TNIK: variants seen among roughly 807,000 people sequenced by gnomAD.
TNIK encodes TRAF2 and NCK interacting kinase, also known as TRAF2 and NCK-interacting protein kinase.
TNIK carries 49 observed loss-of-function variants against 191.3 expected under a neutral mutation model. The observed-to-expected ratio is 0.26, with a 90% CI of 0.20 to 0.32. The LOEUF is 0.32. TNIK is among the 10% of genes least tolerant of loss of function. The pLI is 1.00. For missense variants in TNIK, 1,155 were observed against 1,702.3 expected, an observed-to-expected ratio of 0.68 and a Z score of 5.66; for synonymous variants, 594 against 600.9, an observed-to-expected ratio of 0.99 and a Z score of 0.17.
At chr3:171,352,641 A>G (rs1414692995) in intron 2 of TNIK, among the ~76,000 whole-genome samples, 2 of 152,222 alleles carry the variant, frequency 1.3e-5, no homozygotes, top group Non-Finnish European at 2.9e-5. Flanking sequence ...AAGTGAAAGT[A>G]TTAATTCCTT....
At chr3:171,079,212 T>C (rs1720370054) in intron 28 of TNIK, among the ~76,000 whole-genome samples, 1 of 152,190 alleles carries the variant, frequency 6.6e-6, no homozygotes, top group Non-Finnish European at 1.5e-5. Flanking sequence ...TTTCTTCTCT[T>C]CTCTTGGTCC....
At chr3:171,347,439 A>G (rs1315153811) in intron 2 of TNIK, among the ~76,000 whole-genome samples, 1 of 151,648 alleles carries the variant, frequency 6.6e-6, no homozygotes, top group East Asian at 1.9e-4. Context: ...AGAAGCCAAC[A>G]GGCTACATTA....
chr3:171,130,456 G>T (rs1045551641), intron 15 of TNIK, among the ~76,000 whole-genome samples: 3 of 152,178 alleles, frequency 2.0e-5, no homozygotes, highest in African/African-American at 7.2e-5. Context: ...AAAAAGCCAG[G>T]AATATAAACC....
rs577617531 is a variant in TNIK, at chr3:171,158,464, G to T, written c.1017-800C>A. ...CTGGTGGTCCTGGGCTGCCCTGCTC[G>T]CAGGTGAACAACTAAATGTTACAGA... is the stretch of plus-strand genomic sequence containing the variant. On this transcript the variant is annotated intron_variant, in intron 11 of 32. Coordinates refer to ENST00000436636, the MANE Select transcript of TNIK (RefSeq NM_015028.4). 9.2e-5 allele frequency among the ~76,000 whole-genome samples: 14 copies of T among 152,334 alleles called. No individual in the cohort carries two copies. The South Asian group carries it at 2.5e-3, about 27-fold the overall frequency.
At chr3:171,374,677 A>G (rs1257593442) in intron 1 of TNIK, among the ~76,000 whole-genome samples, 1 of 152,248 alleles carries the variant, frequency 6.6e-6, no homozygotes, top group African/African-American at 2.4e-5. Flanking sequence ...ATAATGAAAT[A>G]TAACTACATA....
intron 1 of TNIK, among the ~76,000 whole-genome samples, chr3:171,428,493 A>G (rs1209424334): frequency 6.6e-6 from 1 of 151,426 alleles, no homozygotes; most frequent in Non-Finnish European, 1.5e-5. Flanking sequence ...GGTCTTCCTC[A>G]CTTTAAGAAA....
intron 1 of TNIK, among the ~76,000 whole-genome samples, chr3:171,447,816 A>T: frequency 6.6e-6 from 1 of 152,248 alleles, no homozygotes; most frequent in Non-Finnish European, 1.5e-5. Flanking sequence ...ACTATTTATC[A>T]GTTGGAAAGT....
At chr3:171,214,940 G>A (rs1209224497) in intron 3 of TNIK, among the ~76,000 whole-genome samples, 1 of 152,166 alleles carries the variant, frequency 6.6e-6, no homozygotes, top group Non-Finnish European at 1.5e-5. Context: ...ATTGCTTAGT[G>A]TTTGTGGTAG....
rs550347666 is a variant in TNIK, at chr3:171,063,234, A to T, written c.*647T>A. 1 of 152,204 alleles carries T rather than the reference A, an allele frequency of 6.6e-6. No individual in the cohort carries two copies. Among genetic ancestry groups the T allele is most frequent in the Non-Finnish European group, 1.5e-5 (1 of 68,022 alleles). 9.4% of individuals were successfully genotyped at this position (152,204 alleles called of 1,614,324 possible). ...CTAGTAGTTTAGCCATTTAAAATCTATTTCCCAAAAGAGGGGAAAACTAGT... is the reference window on the plus strand; with the variant it reads ...CTAGTAGTTTAGCCATTTAAAATCTTTTTCCCAAAAGAGGGGAAAACTAGT... On this transcript the variant is annotated 3_prime_UTR_variant, in exon 33 of 33. Transcript: ENST00000436636.
At chr3:171,350,596 A>T (rs1055121685) in intron 2 of TNIK, among the ~76,000 whole-genome samples, 2 of 5,592 alleles carry the variant, frequency 3.6e-4, no homozygotes. Flanking sequence ...CTCTGTTGCT[A>T]AAAAAAAAAA....
chr3:171,262,163 T>C (rs1747718129), intron 2 of TNIK, among the ~76,000 whole-genome samples: 1 of 152,160 alleles, frequency 6.6e-6, no homozygotes, highest in Admixed American at 6.5e-5. Context: ...GACCTAGACC[T>C]AGAGGCTTAC....
chr3:171,125,986 G>A lies in TNIK; in HGVS notation c.1939C>T (p.Pro647Ser), dbSNP rs1340594932. 1 of 1,613,840 alleles carries A rather than the reference G, an allele frequency of 6.2e-7. No individual in the cohort carries two copies. Among genetic ancestry groups the A allele is most frequent in the East Asian group, 2.2e-5 (1 of 44,886 alleles). The stretch of plus-strand genomic sequence containing the variant: ...TTTTCAATGCGAGTGGGGAGAGGAG[G>A]ATTTTCCGAGGTGGGATCTGAGTTC... ...RQNSDPTSEN[P>S]PLPTRIEKFD... is the part of the protein sequence containing the mutation. The change falls in exon 17 of 33, where the codon CCT becomes TCT. Residue 647 changes from proline (P) to serine (S), a missense_variant. Around this residue, in one of 3 missense-constraint regions of TNIK, gnomAD observed 735 missense variants for 848.0 expected, o/e 0.87. Transcript: ENST00000436636.
rs569065408 is a variant in TNIK, at chr3:171,220,605, T to G, written c.180+7560A>C. Reference sequence around the variant, plus strand: ...AGAAGGAGACCTTGTGTTCCACTACTGAGGAACTTGATTGGAAATCATGCT... The same window carrying G: ...AGAAGGAGACCTTGTGTTCCACTACGGAGGAACTTGATTGGAAATCATGCT... On this transcript the variant is annotated intron_variant, in intron 3 of 32. Coordinates refer to ENST00000436636, the MANE Select transcript of TNIK (RefSeq NM_015028.4). Among the ~76,000 whole-genome samples the G allele has an allele frequency of 2.6e-5, 4 of 152,228 alleles. No homozygotes were observed. In the South Asian group the frequency reaches 8.3e-4, roughly 32 times the overall value.
At chr3:171,361,400 C>T (rs1253501979) in intron 2 of TNIK, among the ~76,000 whole-genome samples, 1 of 152,202 alleles carries the variant, frequency 6.6e-6, no homozygotes, top group Non-Finnish European at 1.5e-5. Flanking sequence ...ACCCATATGG[C>T]ATCTAGCACA....
intron 3 of TNIK, among the ~76,000 whole-genome samples, chr3:171,213,269 C>T (rs759200008): frequency 4.0e-5 from 6 of 151,652 alleles, no homozygotes; most frequent in African/African-American, 7.3e-5. Context: ...AGGATGTGAG[C>T]GGATGTACTT....
At chr3:171,456,474 C>A (rs1356403737) in intron 1 of TNIK, among the ~76,000 whole-genome samples, 1 of 152,162 alleles carries the variant, frequency 6.6e-6, no homozygotes, top group African/African-American at 2.4e-5. Context: ...ATAGATAATA[C>A]AAAACATACA....
chr3:171,194,867 G>A (rs969936044), intron 4 of TNIK, among the ~76,000 whole-genome samples: 27 of 151,940 alleles, frequency 1.8e-4, no homozygotes, highest in African/African-American at 6.5e-4. Flanking sequence ...TGAAAATTGA[G>A]GAAACTCTCC....
chr3:171,452,130 G>A (rs1033081623), intron 1 of TNIK, among the ~76,000 whole-genome samples: 1 of 152,118 alleles, frequency 6.6e-6, no homozygotes, highest in Non-Finnish European at 1.5e-5. Context: ...AGTACCCAGC[G>A]GAAGTCACAG....
At chr3:171,088,808 C>T (rs1721686954) in intron 23 of TNIK, among the ~76,000 whole-genome samples, 1 of 152,158 alleles carries the variant, frequency 6.6e-6, no homozygotes, top group Non-Finnish European at 1.5e-5. Context: ...GCAACTGGCT[C>T]ATTGAGGATT....
Sources: allele counts gnomAD v4.1 joint callset (sites outside exome capture counted in the v4.1 genomes callset), GRCh38; gene constraint gnomAD v4.1.1; regional missense constraint gnomAD v4.1.1; transcripts MANE v1.5; gene names NCBI Gene and HGNC (gene_info 2026-07-23, HGNC 2026-07-21).